PSME4: variants seen among roughly 807,000 people sequenced by gnomAD.
PSME4 encodes proteasome activator subunit 4, also known as proteasome activator complex subunit 4.
Under a neutral mutation model 253.9 loss-of-function variants are expected in PSME4, and 89 were observed. The observed-to-expected ratio is 0.35, with a 90% CI of 0.30 to 0.42. The LOEUF (loss-of-function observed/expected upper bound fraction) is 0.42. Among genes scored for constraint, PSME4 ranks in the 10% least tolerant of loss-of-function variants. The probability of loss-of-function intolerance (pLI) is 1.00; values close to 1 mark genes in which losing one functional copy is unlikely to be tolerated. For missense variants in PSME4, 2,014 were observed against 2,195.2 expected (o/e 0.92, Z 1.65); for synonymous variants, 851 against 759.2 (o/e 1.12, Z -1.99).
At chr2:53,961,214 T>C (rs1454838865) in intron 1 of PSME4, among the ~76,000 whole-genome samples, 1 of 152,232 alleles carries the variant, frequency 6.6e-6, no homozygotes, top group Non-Finnish European at 1.5e-5. Flanking sequence ...AACATTCCAA[T>C]AGAGGTCTCA....
chr2:53,940,994 T>TATATATATAC (rs1669426963), intron 3 of PSME4, among the ~76,000 whole-genome samples: 2 of 93,540 alleles, frequency 2.1e-5, no homozygotes, highest in East Asian at 5.5e-4. Flanking sequence ...TATATATATA[T>TATATATATAC]ATATATGAAA....
chr2:53,940,742 A>C (rs1439560847), intron 3 of PSME4, among the ~76,000 whole-genome samples: 1 of 150,658 alleles, frequency 6.6e-6, no homozygotes, highest in Non-Finnish European at 1.5e-5. Context: ...AAACAATATA[A>C]ACAATGGAGC....
At chr2:53,885,800 G>GTT (rs1287839864) in intron 40 of PSME4, 25 bp from the exon 41 acceptor site, 1 of 1,539,802 alleles carries the variant, frequency 6.5e-7, no homozygotes, top group Non-Finnish European at 9.0e-7. Context: ...AAGATGCAGA[G>GTT]TAAGTCTTTG....
chr2:53,950,561 G>A (rs984107109), intron 1 of PSME4, among the ~76,000 whole-genome samples: 1 of 151,680 alleles, frequency 6.6e-6, no homozygotes, highest in South Asian at 2.1e-4. Context: ...TGTCCCAATG[G>A]CCAGGCACAG....
chr2:53,922,103 C>T (rs539467990), intron 17 of PSME4, among the ~76,000 whole-genome samples: 124 of 151,882 alleles, frequency 8.2e-4, no homozygotes, highest in African/African-American at 2.9e-3. Context: ...AGCTGGGAGG[C>T]GGAGTTTGCA....
In PSME4 at chr2:53,927,395, T is replaced by C; in HGVS notation, c.1592A>G (p.Glu531Gly). 6.4e-7 allele frequency: 1 copy of C among 1,550,962 alleles called. No individual in the cohort carries two copies. Among genetic ancestry groups the C allele is most frequent in the Non-Finnish European group, 8.9e-7 (1 of 1,122,674 alleles). Residue 531 changes from glutamate to glycine, a missense_variant and splice_region_variant, in exon 12 of 47, where the codon GAA becomes GGA. Physicochemically the swap from Glu to Gly is moderately conservative, Grantham distance 98. Around this residue, in one of 4 missense-constraint regions of PSME4, gnomAD observed 989 missense variants for 1,021.1 expected, o/e 0.97. Coordinates refer to ENST00000404125, the MANE Select transcript of PSME4 (RefSeq NM_014614.3). ...TTTATAACCATAAAATACCCTTACTTCTGTGAGGTCATTTCTTTCTTGTAG... is the reference window on the plus strand; with the variant it reads ...TTTATAACCATAAAATACCCTTACTCCTGTGAGGTCATTTCTTTCTTGTAG... ...SVLQERNDLT[E>G]VERELCSATA...
At chr2:53,869,670 G>A in intron 43 of PSME4, 132 bp from the exon 44 acceptor site, 1 of 623,454 alleles carries the variant, frequency 1.6e-6, no homozygotes, top group Non-Finnish European at 2.5e-6. Flanking sequence ...ATGCTCTTTG[G>A]CAGTTTCTTA....
rs549782521 is a variant in PSME4 at position 53,937,645 on chromosome 2, T to C, written c.546-105A>G. ...GGCTGGGGGAGGAGGAGAATATATG[T>C]CATAGCATGTAACACAGTCTACAAA... is the stretch of plus-strand genomic sequence containing the variant. On this transcript the variant is annotated intron_variant, in intron 4 of 46. Transcript: ENST00000404125. 239 of 1,019,946 alleles carry C rather than the reference T, an allele frequency of 2.3e-4. No individual in the cohort carries two copies. The East Asian group carries it at 5.8e-3, about 25-fold the overall frequency. The allele number at this position is 1,019,946 out of a possible 1,614,324, so 63.2% of individuals were successfully genotyped here.
chr2:53,875,487 T>A (rs1679076582), intron 42 of PSME4, 140 bp downstream of exon 42: 1 of 763,644 alleles, frequency 1.3e-6, no homozygotes, highest in Non-Finnish European at 1.9e-6. Flanking sequence ...GTTTCTTTGG[T>A]CAATATATAT....
At chr2:53,866,001 G>T in intron 46 of PSME4, 84 bp downstream of exon 46, 1 of 1,318,790 alleles carries the variant, frequency 7.6e-7, no homozygotes, top group Non-Finnish European at 1.0e-6. Context: ...TGACATCTAA[G>T]AATGTCAGCA....
At chr2:53,931,705 T>C (rs1668837880) in intron 10 of PSME4, 130 bp downstream of exon 10, 1 of 991,772 alleles carries the variant, frequency 1.0e-6, no homozygotes, top group African/African-American at 1.6e-5. Context: ...TAAAATGTCC[T>C]GCTTCTCCTC....
intron 1 of PSME4, among the ~76,000 whole-genome samples, chr2:53,966,159 C>G (rs1477802275): frequency 6.6e-6 from 1 of 152,078 alleles, no homozygotes; most frequent in African/African-American, 2.4e-5. Flanking sequence ...GTGGTACTCA[C>G]CTGTAATCCC....
At chr2:53,899,808 A>G in intron 29 of PSME4, 73 bp downstream of exon 29, 1 of 1,522,110 alleles carries the variant, frequency 6.6e-7, no homozygotes, top group Middle Eastern at 1.7e-4. Context: ...ACAGAGCAAG[A>G]CTCTGTCTCA....
At chr2:53,952,887 G>A (rs1021058623) in intron 1 of PSME4, among the ~76,000 whole-genome samples, 4 of 152,216 alleles carry the variant, frequency 2.6e-5, no homozygotes, top group African/African-American at 9.6e-5. Flanking sequence ...CTGAGCTGGG[G>A]GTTGGGGGAC....
At chr2:53,953,501 A>G (rs961498875) in intron 1 of PSME4, among the ~76,000 whole-genome samples, 4 of 151,028 alleles carry the variant, frequency 2.6e-5, no homozygotes, top group Admixed American at 1.3e-4. Flanking sequence ...AAAAAAAAAA[A>G]AAAAAAGAAA....
Position 53,920,258 on chromosome 2 carries a change from G to C in PSME4, c.2355C>G (p.Asp785Glu). Residue 785 changes from aspartate to glutamate, a missense_variant, in exon 19 of 47, where the codon GAC becomes GAG. Asp to Glu is a conservative substitution (Grantham distance 45). Transcript: ENST00000404125. ...TGACGAGCTCAGGCTGAAGAAAGGA[G>C]TCCAAAAGATAAAAGGCAAAAGACA... ...EEVSFAFYLL[D>E]SFLQPELVKL... The C allele has an allele frequency of 6.2e-7, 1 of 1,613,698 alleles. No homozygotes were observed. The highest frequency in any genetic ancestry group is 8.5e-7 in the Non-Finnish European group (1 of 1,179,760).
At chr2:53,966,981 AC>A (rs758891308) in intron 1 of PSME4, among the ~76,000 whole-genome samples, 50 of 152,282 alleles carry the variant, frequency 3.3e-4, no homozygotes, top group Non-Finnish European at 6.5e-4. Flanking sequence ...TACAGGCATA[AC>A]AAAATCAAGT....
In PSME4 at chr2:53,931,949, A is replaced by G; in HGVS notation, c.1202T>C (p.Ile401Thr). The stretch of plus-strand genomic sequence containing the variant: ...AAACATAGCCAAGAGGACAGGCTGA[A>G]TAATGCATTGTACAAAGTCTGTAAC... ...QDVTDFVQCI[I>T]QPVLLAMFSK... Residue 401 changes from isoleucine to threonine, a missense_variant, in exon 10 of 47, where the codon ATT becomes ACT. Physicochemically the swap from Ile to Thr is moderately conservative, Grantham distance 89. Around this residue, in one of 4 missense-constraint regions of PSME4, gnomAD observed 615 missense variants for 594.4 expected, o/e 1.03. Transcript: ENST00000404125. 1 of 1,614,138 alleles carries G rather than the reference A, an allele frequency of 6.2e-7. No homozygotes were observed. The highest frequency in any genetic ancestry group is 1.1e-5 in the South Asian group (1 of 91,078).
chr2:53,884,447 G>A (rs1180902220), intron 41 of PSME4, among the ~76,000 whole-genome samples: 2 of 152,132 alleles, frequency 1.3e-5, no homozygotes, highest in African/African-American at 4.8e-5. Flanking sequence ...TTGACCTTGT[G>A]ATCCACCCGC....
Sources: gnomAD v4.1 joint callset for allele counts (sites outside exome capture counted in the v4.1 genomes callset) on GRCh38, gnomAD v4.1.1 for gene constraint, gnomAD v4.1.1 regional missense constraint, MANE v1.5 for transcripts, NCBI Gene and HGNC (gene_info 2026-07-23, HGNC 2026-07-21) for gene names.